Variants in SLC25A48 observed in about 807,000 individuals in gnomAD.
The protein encoded by SLC25A48 is CTC-321K16.1.
Under a neutral mutation model 32.2 loss-of-function variants are expected in SLC25A48, and 29 were observed. That is an observed-to-expected ratio of 0.90 (90% CI 0.67 to 1.23). SLC25A48 has a LOEUF of 1.23. SLC25A48 is among the 50% of genes most tolerant of loss of function. The pLI, the probability that SLC25A48 is intolerant of heterozygous loss-of-function variation, is 0.00. For missense variants in SLC25A48, 399 were observed against 422.7 expected, an observed-to-expected ratio of 0.94 and a Z score of 0.49; for synonymous variants, 164 against 172.3, an observed-to-expected ratio of 0.95 and a Z score of 0.38.
At chr5:135,589,289 G>C (rs1451693176) in intron 1 of SLC25A48, among the ~76,000 whole-genome samples, 8 of 152,200 alleles carry the variant, frequency 5.3e-5, no homozygotes, top group African/African-American at 1.9e-4. Flanking sequence ...GTTTATACTT[G>C]CAGTGGCTTG....
intron 4 of SLC25A48, among the ~76,000 whole-genome samples, chr5:135,819,122 T>C (rs1030407366): frequency 8.6e-5 from 13 of 151,298 alleles, no homozygotes; most frequent in Non-Finnish European, 1.6e-4. Flanking sequence ...ATACATGACA[T>C]TGGAGTCCCA....
At chr5:135,683,674 A>G (rs1753951199) in intron 3 of SLC25A48, among the ~76,000 whole-genome samples, 1 of 152,202 alleles carries the variant, frequency 6.6e-6, no homozygotes, top group Non-Finnish European at 1.5e-5. Context: ...TAGGAGGGTC[A>G]TCCCACCATC....
At chr5:135,706,096 C>A (rs1009722478) in intron 3 of SLC25A48, among the ~76,000 whole-genome samples, 1 of 152,156 alleles carries the variant, frequency 6.6e-6, no homozygotes, top group Non-Finnish European at 1.5e-5. Context: ...TGAGAAGGTG[C>A]CCAGACTTTG....
intron 3 of SLC25A48, among the ~76,000 whole-genome samples, chr5:135,852,342 A>G (rs1759940649): frequency 6.6e-6 from 1 of 152,164 alleles, no homozygotes; most frequent in Non-Finnish European, 1.5e-5. Flanking sequence ...GACACAACCC[A>G]CAGGAAACAA....
At chr5:135,632,398 A>G (rs1431647395) in intron 2 of SLC25A48, among the ~76,000 whole-genome samples, 2 of 152,216 alleles carry the variant, frequency 1.3e-5, no homozygotes, top group Non-Finnish European at 2.9e-5. Context: ...CCTGGACTCA[A>G]GAAGGGTTAG....
At chr5:135,726,849 C>T (rs1050825880) in intron 3 of SLC25A48, among the ~76,000 whole-genome samples, 5 of 152,204 alleles carry the variant, frequency 3.3e-5, no homozygotes, top group Non-Finnish European at 5.9e-5. Context: ...TTGCTGGGTT[C>T]TCTGGTAGTT....
At chr5:135,639,654 A>G (rs1266870770) in intron 3 of SLC25A48, among the ~76,000 whole-genome samples, 2 of 152,218 alleles carry the variant, frequency 1.3e-5, no homozygotes, top group Non-Finnish European at 2.9e-5. Flanking sequence ...TTCAGTTATT[A>G]TCTTGGAAAG....
chr5:135,779,137 G>A lies in SLC25A48; in HGVS notation c.-520-33386G>A, dbSNP rs183268878. ...TATTAATCCCAACATTGCTGGAAGC[G>A]TACACCCACCCCCTCTGTGATATTG... On this transcript the variant is annotated intron_variant, in intron 3 of 10. Coordinates refer to the SLC25A48 transcript ENST00000646290. Among the ~76,000 whole-genome samples, 89 of 148,428 alleles carry A rather than the reference G, an allele frequency of 6.0e-4. 2 individuals carry two copies. The East Asian group carries it at 0.013, about 22-fold the overall frequency.
chr5:135,785,525 AC>A, intron 3 of SLC25A48, among the ~76,000 whole-genome samples: 1 of 110,546 alleles, frequency 9.0e-6, no homozygotes, highest in African/African-American at 3.7e-5. Context: ...GGTGTGGAAC[AC>A]CCCCTTGCCC....
intron 3 of SLC25A48, among the ~76,000 whole-genome samples, chr5:135,806,387 T>C (rs1217788770): frequency 6.6e-6 from 1 of 151,516 alleles, no homozygotes; most frequent in Non-Finnish European, 1.5e-5. Flanking sequence ...AGTGTGTTAA[T>C]ACTGAGTATT....
At chr5:135,772,229 C>T (rs1008560321) in intron 3 of SLC25A48, among the ~76,000 whole-genome samples, 13 of 151,240 alleles carry the variant, frequency 8.6e-5, no homozygotes, top group Non-Finnish European at 1.0e-4. Flanking sequence ...GGGAGGTGTA[C>T]ACCTTTCTGA....
chr5:135,726,284 T>C (rs1375427642), intron 3 of SLC25A48, among the ~76,000 whole-genome samples: 1 of 152,238 alleles, frequency 6.6e-6, no homozygotes, highest in Non-Finnish European at 1.5e-5. Flanking sequence ...CACATGCAGT[T>C]GTAAGAAGTA....
chr5:135,755,928 TATC>T (rs1273710571), intron 3 of SLC25A48, among the ~76,000 whole-genome samples: 2 of 152,096 alleles, frequency 1.3e-5, no homozygotes, highest in East Asian at 1.9e-4. Context: ...CTGTGGCACT[TATC>T]ATATGTAGTG....
chr5:135,785,426 C>T (rs539468747), intron 3 of SLC25A48, among the ~76,000 whole-genome samples: 172 of 151,630 alleles, frequency 1.1e-3, no homozygotes, highest in African/African-American at 4.0e-3. Flanking sequence ...TGATATTACT[C>T]CCTATGCGGC....
intron 3 of SLC25A48, among the ~76,000 whole-genome samples, chr5:135,791,447 G>A (rs1199891106): frequency 6.6e-6 from 1 of 151,550 alleles, no homozygotes; most frequent in Non-Finnish European, 1.5e-5. Context: ...TGATTTCGCA[G>A]GGAGTGTACA....
At chr5:135,770,320 G>A (rs1756373798) in intron 3 of SLC25A48, among the ~76,000 whole-genome samples, 1 of 151,394 alleles carries the variant, frequency 6.6e-6, no homozygotes, top group African/African-American at 2.4e-5. Flanking sequence ...TGCAGGGGGA[G>A]AGGATAATAT....
At chr5:135,627,363 C>A (rs2126903931) in intron 1 of SLC25A48, among the ~76,000 whole-genome samples, 1 of 152,258 alleles carries the variant, frequency 6.6e-6, no homozygotes, top group South Asian at 2.1e-4. Flanking sequence ...TTATCCATGG[C>A]CAGCCCCTCT....
intron 3 of SLC25A48, among the ~76,000 whole-genome samples, chr5:135,692,652 T>C (rs1254687527): frequency 6.6e-6 from 1 of 152,182 alleles, no homozygotes; most frequent in Non-Finnish European, 1.5e-5. Context: ...AATGCCGTCT[T>C]TGAGAGCTTA....
intron 3 of SLC25A48, among the ~76,000 whole-genome samples, chr5:135,810,214 A>C (rs2126650506): frequency 6.6e-6 from 1 of 152,270 alleles, no homozygotes; most frequent in South Asian, 2.1e-4. Context: ...ATTGGCCCTG[A>C]GCTGATTGAA....
Sources: allele counts gnomAD v4.1 joint callset (sites outside exome capture counted in the v4.1 genomes callset), GRCh38; gene constraint gnomAD v4.1.1; transcripts MANE v1.5; gene names NCBI Gene and HGNC (gene_info 2026-07-23, HGNC 2026-07-21).